The following STYX variants were observed in gnomAD, a reference collection of about 807,000 sequenced individuals.
The protein encoded by STYX is serine/threonine/tyrosine-interacting protein.
Under a neutral mutation model 42.7 loss-of-function variants are expected in STYX, and 20 were observed. The ratio of observed to expected loss-of-function variants is 0.47; its 90% CI spans 0.33 to 0.68. The LOEUF is 0.68. STYX is among the 30% of genes least tolerant of loss of function. The probability of loss-of-function intolerance (pLI) is 0.02; values close to 1 mark genes in which losing one functional copy is unlikely to be tolerated. For missense variants in STYX, 226 were observed against 268.5 expected (o/e 0.84, Z 1.11); for synonymous variants, 78 against 81.9 (o/e 0.95, Z 0.26).
chr14:52,760,268 A>T (rs1385913953), intron 9 of STYX, among the ~76,000 whole-genome samples: 1 of 152,166 alleles, frequency 6.6e-6, no homozygotes, highest in African/African-American at 2.4e-5. Context: ...TTAAAGACAC[A>T]TTATCAAATC....
intron 3 of STYX, among the ~76,000 whole-genome samples, chr14:52,749,921 G>A (rs561725010): frequency 4.8e-4 from 73 of 152,234 alleles, no homozygotes; most frequent in Non-Finnish European, 8.2e-4. Context: ...ATGACTGTAT[G>A]AAATTACGTT....
At chr14:52,764,944 C>A (rs1332396855) in intron 9 of STYX, among the ~76,000 whole-genome samples, 49 of 152,168 alleles carry the variant, frequency 3.2e-4, no homozygotes, top group Non-Finnish European at 1.5e-5. Flanking sequence ...GCTGGGATTA[C>A]GGGCGTGAGC....
intron 1 of STYX, among the ~76,000 whole-genome samples, chr14:52,732,337 A>T (rs1281184510): frequency 7.1e-6 from 1 of 141,180 alleles, no homozygotes; most frequent in African/African-American, 2.7e-5. Flanking sequence ...CAGTGGTGCG[A>T]TCTGGGCTCA....
At position 52,772,903 on chromosome 14, in the gene STYX, G is replaced by C. The variant is rs961514949; in HGVS notation, c.*1797G>C. ...TTGTGATTAGGTCTTTTGATGTACA[G>C]TGGTCTAGTGGAGTCAAGATTCGCA... On this transcript the variant is annotated 3_prime_UTR_variant, in exon 11 of 11. Coordinates refer to ENST00000354586, the MANE Select transcript of STYX (RefSeq NM_145251.4). 6.6e-6 allele frequency: 1 copy of C among 151,862 alleles called. No individual in the cohort carries two copies. Among genetic ancestry groups the C allele is most frequent in the African/African-American group, 2.4e-5 (1 of 41,322 alleles). The allele number at this position is 151,862 out of a possible 1,614,324, so 9.4% of individuals were successfully genotyped here.
chr14:52,768,563 A>G (rs921005393), intron 9 of STYX, among the ~76,000 whole-genome samples: 2 of 152,154 alleles, frequency 1.3e-5, no homozygotes, highest in Non-Finnish European at 2.9e-5. Flanking sequence ...GTTTTTTTAA[A>G]CAGATGAAGT....
Position 52,771,331 on chromosome 14 carries a change from G to GCA in STYX, c.*234_*235dup, listed in dbSNP as rs547936299. 2.7e-4 allele frequency: 113 copies of GCA among 418,670 alleles called. 2 individuals carry two copies. The highest frequency in any genetic ancestry group is 1.8e-3 in the East Asian group (51 of 27,586). 25.9% of individuals were successfully genotyped at this position (418,670 alleles called of 1,614,324 possible). On this transcript the variant is annotated 3_prime_UTR_variant, in exon 11 of 11. Coordinates refer to ENST00000354586, the MANE Select transcript of STYX (RefSeq NM_145251.4). ...CCTTTTTTTAAAAACACATGCGCGC[G>GCA]CACACACACATGCTTTACAAGTTTT... is the stretch of plus-strand genomic sequence containing the variant.
intron 1 of STYX, among the ~76,000 whole-genome samples, chr14:52,737,403 G>A (rs1164869789): frequency 6.6e-6 from 1 of 152,156 alleles, no homozygotes; most frequent in Non-Finnish European, 1.5e-5. Flanking sequence ...CATGTTGATC[G>A]AAAGATTTTC....
intron 3 of STYX, among the ~76,000 whole-genome samples, chr14:52,747,567 A>G (rs1594870439): frequency 6.6e-6 from 1 of 152,320 alleles, no homozygotes; most frequent in African/African-American, 2.4e-5. Context: ...GCCGTAATTT[A>G]TTTTGTAAAA....
chr14:52,755,784 G>A (rs1168194315), intron 4 of STYX, among the ~76,000 whole-genome samples: 2 of 143,124 alleles, frequency 1.4e-5, no homozygotes, highest in Non-Finnish European at 3.0e-5. Context: ...TTATTTGTTC[G>A]TTCTCTTAGA....
chr14:52,763,582 A>G (rs1439667748), intron 9 of STYX, among the ~76,000 whole-genome samples: 1 of 151,770 alleles, frequency 6.6e-6, no homozygotes, highest in Non-Finnish European at 1.5e-5. Flanking sequence ...TTTTGGTTTC[A>G]TTTTTTATCT....
chr14:52,730,183 C>G lies in STYX; in HGVS notation c.-292C>G, dbSNP rs1056118125. ...GGGGAGACGGTTGTCGGGCTGGTTC[C>G]TGTGCTGGATCCTGGGCGGCCTGAG... On this transcript the variant is annotated 5_prime_UTR_variant, in exon 1 of 11. Coordinates refer to ENST00000354586, the MANE Select transcript of STYX (RefSeq NM_145251.4). 11 of 466,670 alleles carry G rather than the reference C, an allele frequency of 2.4e-5. No homozygotes were observed. The highest frequency in any genetic ancestry group is 1.9e-5 in the Non-Finnish European group (5 of 262,036). The allele number at this position is 466,670 out of a possible 1,614,324, so 28.9% of individuals were successfully genotyped here.
At chr14:52,770,267 C>T (rs547988137) in intron 10 of STYX, among the ~76,000 whole-genome samples, 2 of 152,226 alleles carry the variant, frequency 1.3e-5, no homozygotes, top group Admixed American at 1.3e-4. Context: ...GTGAAACATT[C>T]TTCAATTAGA....
intron 9 of STYX, 129 bp from the exon 10 acceptor site, chr14:52,768,711 C>T (rs1882401810): frequency 1.7e-6 from 1 of 580,776 alleles, no homozygotes; most frequent in Non-Finnish European, 2.8e-6. Flanking sequence ...TTCCATTTCT[C>T]TTCAAACAAT....
rs1882537744 is a variant in STYX at position 52,772,235 on chromosome 14, CTTTTT to C, written c.*1130_*1134del. 1 of 152,018 alleles carries C rather than the reference CTTTTT, an allele frequency of 6.6e-6. No individual in the cohort carries two copies. The highest frequency in any genetic ancestry group is 2.4e-5 in the African/African-American group (1 of 41,422). The allele number at this position is 152,018 out of a possible 1,614,324, so 9.4% of individuals were successfully genotyped here. On this transcript the variant is annotated 3_prime_UTR_variant, in exon 11 of 11. Transcript: ENST00000354586. ...TTGGAATATAGAATGTTTACTCTTTCTTTTTATGTTGTCTTAATGATTCTGTGAGA... is the reference window on the plus strand; with the variant it reads ...TTGGAATATAGAATGTTTACTCTTTCATGTTGTCTTAATGATTCTGTGAGA...
intron 4 of STYX, 137 bp from the exon 5 acceptor site, chr14:52,756,414 A>G (rs1228019305): frequency 1.9e-6 from 1 of 527,166 alleles, no homozygotes; most frequent in Non-Finnish European, 3.4e-6. Flanking sequence ...AATCTACCAC[A>G]CAGTTCTTGG....
intron 3 of STYX, among the ~76,000 whole-genome samples, chr14:52,748,810 C>A (rs527441680): frequency 3.9e-5 from 6 of 152,224 alleles, no homozygotes; most frequent in African/African-American, 1.2e-4. Flanking sequence ...CAAGTGTAAA[C>A]GAAGGACTTA....
chr14:52,750,680 C>CAGCT lies in STYX; in HGVS notation c.145-1_147dup. The CAGCT allele has an allele frequency of 2.6e-6, 4 of 1,524,134 alleles. No individual in the cohort carries two copies. The highest frequency in any genetic ancestry group is 3.5e-6 in the Non-Finnish European group (4 of 1,131,738). The allele number at this position is 1,524,134 out of a possible 1,614,324, so 94.4% of individuals were successfully genotyped here. A position where few individuals can be genotyped will look rare whatever the true frequency, so the allele number is the denominator to read the frequency against. On this transcript the variant is annotated splice_region_variant and splice_polypyrimidine_tract_variant and intron_variant, in intron 3 of 10. Coordinates refer to ENST00000354586, the MANE Select transcript of STYX (RefSeq NM_145251.4). ...TCCTCCCCCTGCTTTTTTTTTTATA[C>CAGCT]AGCTACCTGTACTACAGAAACATGG... is the stretch of plus-strand genomic sequence containing the variant.
At chr14:52,767,657 T>A (rs1245561546) in intron 9 of STYX, among the ~76,000 whole-genome samples, 2 of 152,098 alleles carry the variant, frequency 1.3e-5, no homozygotes, top group Non-Finnish European at 2.9e-5. Flanking sequence ...ACAGCTTGAA[T>A]TTTCCCAGGT....
At chr14:52,744,769 A>G (rs2139893578) in intron 1 of STYX, 83 bp from the exon 2 acceptor site, 3 of 1,285,078 alleles carry the variant, frequency 2.3e-6, no homozygotes, top group Non-Finnish European at 3.4e-6. Context: ...AAAAATCTAC[A>G]TACTTGTGTG....
Sources: allele counts gnomAD v4.1 joint callset (sites outside exome capture counted in the v4.1 genomes callset), GRCh38; gene constraint gnomAD v4.1.1; transcripts MANE v1.5; gene names NCBI Gene and HGNC (gene_info 2026-07-23, HGNC 2026-07-21).